NUP205: variants seen among roughly 807,000 people sequenced by gnomAD.
NUP205 encodes the protein nuclear pore complex protein Nup205.
Under a neutral mutation model 253.8 loss-of-function variants are expected in NUP205, and 76 were observed. That is an observed-to-expected ratio of 0.30 (90% CI 0.25 to 0.36). The LOEUF is 0.36. NUP205 is among the 10% of genes least tolerant of loss of function. NUP205 has a pLI of 1.00. For synonymous variants in NUP205, 832 were observed against 850.1 expected, an observed-to-expected ratio of 0.98 and a Z score of 0.37; for missense variants, 2,162 against 2,425.5, an observed-to-expected ratio of 0.89 and a Z score of 2.28.
chr7:135,575,293 C>G (rs1806121821), intron 3 of NUP205, among the ~76,000 whole-genome samples: 3 of 152,032 alleles, frequency 2.0e-5, no homozygotes, highest in African/African-American at 7.3e-5. Flanking sequence ...GTAGATGTTG[C>G]AAAATGAGTA....
chr7:135,590,456 T>C (rs1163171583), intron 10 of NUP205, among the ~76,000 whole-genome samples: 1 of 152,186 alleles, frequency 6.6e-6, no homozygotes, highest in Non-Finnish European at 1.5e-5. Context: ...AAGTAAATTA[T>C]AGGCAAATAC....
rs1793787164 is a variant in NUP205 at position 135,594,766 on chromosome 7, T to C, written c.2013+37T>C. 2.0e-6 allele frequency: 3 copies of C among 1,498,904 alleles called. No homozygotes were observed. The East Asian group carries it at 6.9e-5, about 34-fold the overall frequency. 92.9% of individuals were successfully genotyped at this position (1,498,904 alleles called of 1,614,324 possible). ...AAGTCCCTTATTTATATTATCCCAA[T>C]GTGGAAAGTTGGGCTTGATAATACC... On this transcript the variant is annotated intron_variant, in intron 13 of 42. Transcript: ENST00000285968.
chr7:135,564,812 G>A (rs974138207), intron 1 of NUP205, among the ~76,000 whole-genome samples: 2 of 151,770 alleles, frequency 1.3e-5, no homozygotes, highest in Non-Finnish European at 2.9e-5. Context: ...CTGTCTTCCA[G>A]ACTGGAGTGC....
chr7:135,571,185 C>A lies in NUP205; in HGVS notation c.109C>A (p.His37Asn). Residue 37 changes from histidine (H) to asparagine (N), a missense_variant, in exon 2 of 43, where the codon CAC (histidine) becomes AAC (asparagine). His to Asn is a moderately conservative substitution (Grantham distance 68). Around this residue, in one of 5 missense-constraint regions of NUP205, gnomAD observed 109 missense variants for 131.8 expected, o/e 0.83. Coordinates refer to ENST00000285968, the MANE Select transcript of NUP205 (RefSeq NM_015135.3). ...ALWRRQPEAV[H>N]LLDKILKKHK... Reference sequence around the variant, plus strand: ...TTGGAGAAGACAACCTGAAGCTGTTCACCTTCTTGATAAGATTTTGAAGAA... The same window carrying A: ...TTGGAGAAGACAACCTGAAGCTGTTAACCTTCTTGATAAGATTTTGAAGAA... The A allele has an allele frequency of 6.7e-7, 1 of 1,496,674 alleles. No homozygotes were observed. The highest frequency in any genetic ancestry group is 8.9e-7 in the Non-Finnish European group (1 of 1,120,042). 92.7% of individuals were successfully genotyped at this position (1,496,674 alleles called of 1,614,324 possible). A position where few individuals can be genotyped will look rare whatever the true frequency, so the allele number is the denominator to read the frequency against.
chr7:135,604,094 A>G (rs188883920), intron 18 of NUP205, among the ~76,000 whole-genome samples: 2 of 152,246 alleles, frequency 1.3e-5, no homozygotes, highest in South Asian at 2.1e-4. Flanking sequence ...GATTGACTAT[A>G]TGTACAAAGA....
intron 8 of NUP205, among the ~76,000 whole-genome samples, chr7:135,587,345 T>A (rs1806494914): frequency 2.0e-5 from 3 of 152,308 alleles, no homozygotes; most frequent in Non-Finnish European, 4.4e-5. Flanking sequence ...ACAGTTAAGT[T>A]CAACTTTTCT....
At chr7:135,613,334 A>T (rs746210980) in intron 22 of NUP205, among the ~76,000 whole-genome samples, 3 of 151,590 alleles carry the variant, frequency 2.0e-5, no homozygotes, top group Non-Finnish European at 2.9e-5. Flanking sequence ...TATTTAATAT[A>T]AGAACTTTTT....
At chr7:135,575,075 A>G (rs1806117139) in intron 3 of NUP205, among the ~76,000 whole-genome samples, 1 of 152,222 alleles carries the variant, frequency 6.6e-6, no homozygotes, top group Non-Finnish European at 1.5e-5. Flanking sequence ...ATATCACTCC[A>G]GTGATATAAA....
chr7:135,559,527 C>T (rs528811567), intron 1 of NUP205, among the ~76,000 whole-genome samples: 1 of 151,600 alleles, frequency 6.6e-6, no homozygotes, highest in South Asian at 2.1e-4. Context: ...TGTGCCACCA[C>T]GCTGGGCTAA....
chr7:135,615,096 A>G (rs1794328288), intron 23 of NUP205, among the ~76,000 whole-genome samples: 1 of 152,162 alleles, frequency 6.6e-6, no homozygotes, highest in Admixed American at 6.5e-5. Context: ...CTTTACACCT[A>G]ATTAAAAATA....
intron 27 of NUP205, 110 bp from the exon 28 acceptor site, chr7:135,618,302 C>T (rs1406402029): frequency 2.4e-6 from 2 of 831,860 alleles, no homozygotes; most frequent in African/African-American, 3.4e-5. Flanking sequence ...AAGATACCTG[C>T]TTCCTGGCAT....
chr7:135,618,514 A>G lies in NUP205; in HGVS notation c.3874A>G (p.Ile1292Val). ...ALESWRQLVE[I>V]ILTACPQDLI... ...GGAGTCGTGGAGGCAACTAGTAGAA[A>G]TTATACTGACAGCTTGTCCCCAGGA... The change falls in exon 28 of 43, where the codon ATT (isoleucine) becomes GTT (valine). Residue 1292 changes from isoleucine to valine, a missense_variant. Coordinates refer to ENST00000285968, the MANE Select transcript of NUP205 (RefSeq NM_015135.3). The G allele has an allele frequency of 1.2e-6, 2 of 1,614,132 alleles. No individual in the cohort carries two copies. Among genetic ancestry groups the G allele is most frequent in the Non-Finnish European group, 1.7e-6 (2 of 1,180,008 alleles).
At position 135,638,570 on chromosome 7, in the gene NUP205, T is replaced by G. The variant is rs1241209130; in HGVS notation, c.5279T>G (p.Val1760Gly). 4.3e-6 allele frequency: 7 copies of G among 1,613,838 alleles called. No homozygotes were observed. Among genetic ancestry groups the G allele is most frequent in the Admixed American group, 1.7e-5 (1 of 59,970 alleles). The stretch of plus-strand genomic sequence containing the variant: ...TTTTGATTATAGATTTGTGCCAATG[T>G]AATGGAATATTGCCAGTCACTCATG... ...ELAMQQICANVMEYCQSLMLQ... is the reference protein window; with the variant it reads ...ELAMQQICANGMEYCQSLMLQ... The change falls in exon 38 of 43, where the codon GTA becomes GGA. Residue 1760 changes from valine (V) to glycine (G), a missense_variant. Val to Gly is a moderately radical substitution (Grantham distance 109). Coordinates refer to ENST00000285968, the MANE Select transcript of NUP205 (RefSeq NM_015135.3).
At chr7:135,595,777 G>A (rs1176483113) in intron 13 of NUP205, among the ~76,000 whole-genome samples, 1 of 151,940 alleles carries the variant, frequency 6.6e-6, no homozygotes, top group Non-Finnish European at 1.5e-5. Context: ...TTTCTATCAG[G>A]TATAATTATT....
intron 1 of NUP205, among the ~76,000 whole-genome samples, chr7:135,564,278 G>A (rs1449845786): frequency 2.4e-5 from 3 of 126,910 alleles, no homozygotes; most frequent in Non-Finnish European, 4.8e-5. Context: ...ACGGAGTCTT[G>A]CCCTGTCACC....
chr7:135,602,857 T>C lies in NUP205; in HGVS notation c.2565T>C (p.Leu855=). The change falls in exon 18 of 43, where the codon CTT becomes CTC. Residue 855 remains leucine, a synonymous_variant. Transcript: ENST00000285968. ...AVQHCLALLN[L]TLQKENLFMD... is the part of the protein sequence containing the mutation. ...AGCATTGCCTTGCACTTCTCAATCTTACTCTGCAAAAGGAAAATCTTTTTA... is the reference window on the plus strand; with the variant it reads ...AGCATTGCCTTGCACTTCTCAATCTCACTCTGCAAAAGGAAAATCTTTTTA... 6.2e-7 allele frequency: 1 copy of C among 1,614,056 alleles called. No individual in the cohort carries two copies. The highest frequency in any genetic ancestry group is 1.3e-5 in the African/African-American group (1 of 75,054).
rs1806144812 is a variant in NUP205, at chr7:135,576,160, G to A, written c.344-110G>A. On this transcript the variant is annotated intron_variant, in intron 3 of 42. Transcript: ENST00000285968. ...AGTAGAGGACCCCAGGGCCCCTTAA[G>A]CCCTGAGCTACTGTGATTCTTTGAA... is the stretch of plus-strand genomic sequence containing the variant. 5 of 875,024 alleles carry A rather than the reference G, an allele frequency of 5.7e-6. No homozygotes were observed. The East Asian group carries it at 7.9e-5, about 14-fold the overall frequency. 54.2% of individuals were successfully genotyped at this position (875,024 alleles called of 1,614,324 possible).
chr7:135,645,079 A>T, intron 40 of NUP205, 61 bp downstream of exon 40: 1 of 1,581,752 alleles, frequency 6.3e-7, no homozygotes, highest in African/African-American at 1.4e-5. Context: ...CTGTTCACTT[A>T]TTCTCATATT....
intron 10 of NUP205, 61 bp downstream of exon 10, chr7:135,588,053 T>A (rs1806522334): frequency 7.1e-7 from 1 of 1,412,188 alleles, no homozygotes; most frequent in African/African-American, 1.4e-5. Context: ...CTTGAAAACA[T>A]GAAAGATATT....
Sources: gnomAD v4.1 joint callset for allele counts (sites outside exome capture counted in the v4.1 genomes callset) on GRCh38, gnomAD v4.1.1 for gene constraint, gnomAD v4.1.1 regional missense constraint, MANE v1.5 for transcripts, NCBI Gene and HGNC (gene_info 2026-07-23, HGNC 2026-07-21) for gene names.